STPG2: variants seen among roughly 807,000 people sequenced by gnomAD.
The protein encoded by STPG2 is sperm-tail PG-rich repeat-containing protein 2.
A neutral mutation model predicts 54.2 loss-of-function variants in STPG2; 56 were observed. That is an observed-to-expected ratio of 1.03 (90% confidence interval 0.83 to 1.29). STPG2 has a LOEUF of 1.29. Among genes scored for constraint, STPG2 ranks in the 50% most tolerant of loss-of-function variants. The probability of loss-of-function intolerance (pLI) is 0.00; values close to 1 mark genes in which losing one functional copy is unlikely to be tolerated. For missense variants in STPG2, 596 were observed against 544.9 expected, an observed-to-expected ratio of 1.09 and a Z score of -0.93; for synonymous variants, 200 against 181.8, an observed-to-expected ratio of 1.10 and a Z score of -0.81.
chr4:98,082,704 G>A (rs1035537581), intron 5 of STPG2, among the ~76,000 whole-genome samples: 3 of 151,506 alleles, frequency 2.0e-5, no homozygotes, highest in Non-Finnish European at 2.9e-5. Context: ...CGCCTGCCTC[G>A]GCCTCCCAAA....
rs75111943 is a variant in STPG2, at chr4:98,105,346, G to C, written c.612+607C>G. 1.3e-3 allele frequency among the ~76,000 whole-genome samples: 204 copies of C among 152,262 alleles called. 1 individual carries two copies. The East Asian group carries it at 0.037, about 27-fold the overall frequency. On this transcript the variant is annotated intron_variant, in intron 5 of 10. Transcript: ENST00000295268. ...CTTCTAATGACCCCAGGAATGCTGAGTGAACAAGCAAGGTAGCTGCAAGGA... is the reference window on the plus strand; with the variant it reads ...CTTCTAATGACCCCAGGAATGCTGACTGAACAAGCAAGGTAGCTGCAAGGA...
chr4:97,918,617 T>C (rs922361060), intron 8 of STPG2, among the ~76,000 whole-genome samples: 4 of 152,046 alleles, frequency 2.6e-5, no homozygotes, highest in Non-Finnish European at 5.9e-5. Context: ...ATACACACCA[T>C]GGAATACTAC....
At chr4:97,903,533 G>A (rs906692164) in intron 8 of STPG2, among the ~76,000 whole-genome samples, 7 of 151,508 alleles carry the variant, frequency 4.6e-5, no homozygotes, top group Non-Finnish European at 7.4e-5. Flanking sequence ...CAAAAATAAA[G>A]CCACAAGACG....
intron 10 of STPG2, among the ~76,000 whole-genome samples, chr4:97,664,027 G>A (rs1722450737): frequency 6.6e-6 from 1 of 151,934 alleles, no homozygotes; most frequent in Admixed American, 6.6e-5. Flanking sequence ...TGTGACAGTA[G>A]GTATATATAC....
At chr4:97,918,232 T>TA (rs1488295219) in intron 8 of STPG2, among the ~76,000 whole-genome samples, 2 of 152,120 alleles carry the variant, frequency 1.3e-5, no homozygotes, top group Admixed American at 1.3e-4. Flanking sequence ...CTGGTGAAAA[T>TA]AAAAAACTAG....
intron 4 of STPG2, among the ~76,000 whole-genome samples, chr4:97,516,636 A>C (rs1029525953): frequency 1.3e-4 from 20 of 152,086 alleles, no homozygotes; most frequent in African/African-American, 4.8e-4. Context: ...CAGTCTGGAC[A>C]ACATGGGGAA....
chr4:97,961,217 TAAATC>T (rs1733877510), intron 7 of STPG2, among the ~76,000 whole-genome samples: 1 of 152,156 alleles, frequency 6.6e-6, no homozygotes, highest in Admixed American at 6.6e-5. Context: ...GTCAAGAACT[TAAATC>T]TAAGATCTGA....
chr4:97,463,458 ATTGTTTT>A (rs1729715974), intron 4 of STPG2: 1 of 151,822 alleles, frequency 6.6e-6, no homozygotes, highest in Non-Finnish European at 1.5e-5. Flanking sequence ...TTTTTTGTTT[ATTGTTTT>A]TGAGAAGGAG....
intron 8 of STPG2, among the ~76,000 whole-genome samples, chr4:97,888,794 A>G (rs1730669998): frequency 6.6e-6 from 1 of 152,170 alleles, no homozygotes; most frequent in Non-Finnish European, 1.5e-5. Flanking sequence ...CTGCCCAAAT[A>G]TCATGTCAAA....
intron 9 of STPG2, among the ~76,000 whole-genome samples, chr4:97,796,355 T>C (rs1727176393): frequency 6.6e-6 from 1 of 152,226 alleles, no homozygotes; most frequent in Non-Finnish European, 1.5e-5. Flanking sequence ...AAGTCTTTAA[T>C]CCATCTTGAA....
At chr4:97,635,111 A>G (rs1721461181) in intron 10 of STPG2, among the ~76,000 whole-genome samples, 2 of 152,202 alleles carry the variant, frequency 1.3e-5, no homozygotes, top group South Asian at 4.2e-4. Context: ...TTACCCTCAA[A>G]GGGAAGCCCA....
At chr4:97,854,730 T>C (rs531062766) in intron 8 of STPG2, among the ~76,000 whole-genome samples, 24 of 152,202 alleles carry the variant, frequency 1.6e-4, no homozygotes, top group Non-Finnish European at 3.2e-4. Flanking sequence ...CCAATTTTAT[T>C]AGATTTTTTT....
chr4:97,710,205 T>C (rs1215622171), intron 10 of STPG2, among the ~76,000 whole-genome samples: 1 of 151,906 alleles, frequency 6.6e-6, no homozygotes, highest in Admixed American at 6.6e-5. Flanking sequence ...TAAATATCAA[T>C]AACTAAAAGG....
At chr4:97,471,343 G>A (rs1362143001) in intron 4 of STPG2, among the ~76,000 whole-genome samples, 1 of 152,070 alleles carries the variant, frequency 6.6e-6, no homozygotes, top group Non-Finnish European at 1.5e-5. Flanking sequence ...GATTATCACA[G>A]AGTTTAAACT....
At chr4:97,911,737 T>C (rs1356002703) in intron 8 of STPG2, among the ~76,000 whole-genome samples, 2 of 152,122 alleles carry the variant, frequency 1.3e-5, no homozygotes, top group Non-Finnish European at 2.9e-5. Context: ...GTCTTCACGG[T>C]TCAGCAGACA....
intron 8 of STPG2, among the ~76,000 whole-genome samples, chr4:97,908,262 A>C (rs1037866371): frequency 1.3e-5 from 2 of 152,170 alleles, no homozygotes; most frequent in East Asian, 1.9e-4. Flanking sequence ...ACACATGAAA[A>C]AATGCTCACC....
At chr4:97,950,199 A>G (rs1009615341) in intron 7 of STPG2, among the ~76,000 whole-genome samples, 2 of 152,104 alleles carry the variant, frequency 1.3e-5, no homozygotes, top group South Asian at 4.1e-4. Context: ...TAAATTTTCC[A>G]AACATTATAC....
At chr4:97,863,626 C>T (rs1019406263) in intron 8 of STPG2, among the ~76,000 whole-genome samples, 1 of 152,154 alleles carries the variant, frequency 6.6e-6, no homozygotes, top group Non-Finnish European at 1.5e-5. Context: ...GACACCAAAG[C>T]CTGGCAGAGA....
intron 9 of STPG2, among the ~76,000 whole-genome samples, chr4:97,838,190 T>A (rs1728689626): frequency 6.6e-6 from 1 of 151,510 alleles, no homozygotes; most frequent in Non-Finnish European, 1.5e-5. Flanking sequence ...TCCATTGCTA[T>A]TAAAGCAAAA....
Sources: allele counts gnomAD v4.1 joint callset (sites outside exome capture counted in the v4.1 genomes callset), GRCh38; gene constraint gnomAD v4.1.1; transcripts MANE v1.5; gene names NCBI Gene and HGNC (gene_info 2026-07-23, HGNC 2026-07-21).